The following PHF2 variants were observed in gnomAD, a reference collection of about 807,000 sequenced individuals.
The protein encoded by PHF2 is lysine-specific demethylase PHF2.
Under a neutral mutation model 120.5 loss-of-function variants are expected in PHF2, and 27 were observed. That is an observed-to-expected ratio of 0.22 (90% confidence interval 0.17 to 0.31). The LOEUF (loss-of-function observed/expected upper bound fraction) is 0.31, where lower values mean the gene tolerates loss of function less well. PHF2 is among the 10% of genes least tolerant of loss of function. The pLI is 1.00. For synonymous variants in PHF2, 568 were observed against 592.5 expected (o/e 0.96, Z 0.60); for missense variants, 1,024 against 1,434.8 (o/e 0.71, Z 4.63).
At chr9:93,653,702 G>T (rs1033952119) in intron 6 of PHF2, among the ~76,000 whole-genome samples, 1 of 149,536 alleles carries the variant, frequency 6.7e-6, no homozygotes, top group Non-Finnish European at 1.5e-5. Flanking sequence ...CCAGGGCCCC[G>T]CACAGGAGCC....
At chr9:93,594,648 G>A (rs1232216623) in intron 1 of PHF2, among the ~76,000 whole-genome samples, 1 of 152,184 alleles carries the variant, frequency 6.6e-6, no homozygotes, top group African/African-American at 2.4e-5. Flanking sequence ...CCCAGTCACT[G>A]CTCCCAGTGA....
At chr9:93,644,780 T>C (rs1420576031) in intron 3 of PHF2, among the ~76,000 whole-genome samples, 1 of 152,066 alleles carries the variant, frequency 6.6e-6, no homozygotes, top group Non-Finnish European at 1.5e-5. Flanking sequence ...TCCAGCTGTA[T>C]GGCCTTGGGC....
At chr9:93,581,975 GT>G (rs547377857) in intron 1 of PHF2, among the ~76,000 whole-genome samples, 9 of 152,152 alleles carry the variant, frequency 5.9e-5, no homozygotes, top group Non-Finnish European at 1.3e-4. Context: ...CCATCTCTTG[GT>G]TTTTTTAAAT....
chr9:93,582,042 A>G (rs749667423), intron 1 of PHF2, among the ~76,000 whole-genome samples: 7 of 152,198 alleles, frequency 4.6e-5, no homozygotes, highest in Non-Finnish European at 1.0e-4. Context: ...GTTTAATGCC[A>G]TAGGGGTTTT....
intron 3 of PHF2, 51 bp downstream of exon 3, chr9:93,636,576 C>G (rs917590210): frequency 8.1e-7 from 1 of 1,232,632 alleles, no homozygotes; most frequent in African/African-American, 1.5e-5. Flanking sequence ...GGGATGCACA[C>G]TCTCTCCGTC....
chr9:93,623,365 C>T (rs1274136854), intron 1 of PHF2, among the ~76,000 whole-genome samples: 1 of 152,174 alleles, frequency 6.6e-6, no homozygotes, highest in Non-Finnish European at 1.5e-5. Context: ...CTTGGTGTCA[C>T]TGATGAGAAC....
chr9:93,647,531 C>G (rs1242314854), intron 4 of PHF2, among the ~76,000 whole-genome samples: 1 of 152,126 alleles, frequency 6.6e-6, no homozygotes, highest in Non-Finnish European at 1.5e-5. Flanking sequence ...GCACCAGAAA[C>G]AAAAGCCACC....
chr9:93,650,696 C>T (rs1193903333), intron 5 of PHF2, among the ~76,000 whole-genome samples: 3 of 152,162 alleles, frequency 2.0e-5, no homozygotes, highest in African/African-American at 7.2e-5. Flanking sequence ...GCTGTCAGCT[C>T]GGGTGTGGTC....
chr9:93,614,032 C>T (rs1157562489), intron 1 of PHF2, among the ~76,000 whole-genome samples: 1 of 152,216 alleles, frequency 6.6e-6, no homozygotes, highest in African/African-American at 2.4e-5. Flanking sequence ...ATTGTCCCCT[C>T]TCTGGATGAA....
Position 93,676,833 on chromosome 9 carries a change from T to G in PHF2, c.3072T>G (p.His1024Gln), listed in dbSNP as rs1193341151. The G allele has an allele frequency of 6.4e-7, 1 of 1,559,238 alleles. No homozygotes were observed. ...CGCATAGCAGCAGCCTGGCGGACCA[T>G]GAGTACACAGCCGCTGGCACCTTCA... The part of the protein sequence containing the change: ...PESHSSSLAD[H>Q]EYTAAGTFTG... The change falls in exon 21 of 22, where the codon CAT becomes CAG. Residue 1024 changes from histidine to glutamine, a missense_variant. His to Gln is a conservative substitution (Grantham distance 24, BLOSUM62 0). Coordinates refer to ENST00000359246, the MANE Select transcript of PHF2 (RefSeq NM_005392.4).
chr9:93,658,415 CA>C (rs1396226139), intron 10 of PHF2, among the ~76,000 whole-genome samples, 179 bp downstream of exon 10: 1 of 152,158 alleles, frequency 6.6e-6, no homozygotes, highest in Non-Finnish European at 1.5e-5. Flanking sequence ...CCAGACACCC[CA>C]TGGGTCCGTC....
At chr9:93,649,816 C>A (rs1339380674) in intron 5 of PHF2, among the ~76,000 whole-genome samples, 1 of 152,128 alleles carries the variant, frequency 6.6e-6, no homozygotes, top group East Asian at 1.9e-4. Flanking sequence ...GCAGTCATGA[C>A]ACACTCATAC....
chr9:93,665,718 G>C lies in PHF2; in HGVS notation c.1970G>C (p.Gly657Ala). 1.2e-6 allele frequency: 2 copies of C among 1,613,828 alleles called. No homozygotes were observed. Among genetic ancestry groups the C allele is most frequent in the South Asian group, 1.1e-5 (1 of 91,060 alleles). ...SKALRPPTSP[G>A]VFGALQNFKE... is the part of the protein sequence containing the mutation. ...GCTCTCAGGCCCCCGACGAGCCCTG[G>C]TGTGTTCGGGGCCTTGCAGAACTTC... Residue 657 changes from glycine (G) to alanine (A), a missense_variant, in exon 15 of 22, where the codon GGT (glycine) becomes GCT (alanine). By Grantham distance (60) the Gly-to-Ala change is moderately conservative. This residue lies in a region of PHF2 where 677 missense variants were observed against 857.4 expected (regional missense o/e 0.79). Transcript: ENST00000359246.
intron 1 of PHF2, among the ~76,000 whole-genome samples, chr9:93,586,494 A>G (rs1473112813): frequency 6.6e-6 from 1 of 152,180 alleles, no homozygotes; most frequent in East Asian, 1.9e-4. Context: ...CAGCTGGGGG[A>G]GGGCCAGCAG....
chr9:93,621,720 C>T (rs1413944981), intron 1 of PHF2, among the ~76,000 whole-genome samples: 2 of 152,256 alleles, frequency 1.3e-5, no homozygotes, highest in South Asian at 2.1e-4. Context: ...GGCCTTCCCC[C>T]CTGTAAAGTA....
chr9:93,600,855 A>G (rs994723144), intron 1 of PHF2, among the ~76,000 whole-genome samples: 2 of 152,200 alleles, frequency 1.3e-5, no homozygotes, highest in Non-Finnish European at 2.9e-5. Context: ...CCAAGACTGG[A>G]CCAGATCTGG....
At position 93,627,492 on chromosome 9, in the gene PHF2, A is replaced by ATTTTTTTTTTTTTTTTTTTTTTTTTTT. The variant is rs55647503; in HGVS notation, c.99-2462_99-2461insTTTTTTTTTTTTTTTTTTTTTTTTTTT. ...CAATTCAGACTCCTTTTATTTCAGGATTTTTTTTTTTTTTTTGTCTAATTG... is the reference window on the plus strand; with the variant it reads ...CAATTCAGACTCCTTTTATTTCAGGATTTTTTTTTTTTTTTTTTTTTTTTTTTTTTTTTTTTTTTTTTTGTCTAATTG... On this transcript the variant is annotated intron_variant, in intron 1 of 21. Transcript: ENST00000359246. 2.7e-4 allele frequency among the ~76,000 whole-genome samples: 29 copies of ATTTTTTTTTTTTTTTTTTTTTTTTTTT among 108,128 alleles called. 2 individuals carry two copies. Among genetic ancestry groups the ATTTTTTTTTTTTTTTTTTTTTTTTTTT allele is most frequent in the East Asian group, 5.1e-4 (2 of 3,898 alleles). The allele number at this position is 108,128 out of a possible 152,430, so 70.9% of individuals were successfully genotyped here. A position where few individuals can be genotyped will look rare whatever the true frequency, so the allele number is the denominator to read the frequency against.
intron 5 of PHF2, 124 bp from the exon 6 acceptor site, chr9:93,653,055 G>A (rs978866400): frequency 1.3e-6 from 1 of 794,670 alleles, no homozygotes; most frequent in Non-Finnish European, 2.0e-6. Context: ...AATGGGAGCT[G>A]TGACCCGTGG....
At chr9:93,580,908 G>A (rs930988067) in intron 1 of PHF2, among the ~76,000 whole-genome samples, 1 of 152,152 alleles carries the variant, frequency 6.6e-6, no homozygotes, top group Admixed American at 6.5e-5. Context: ...ACTGTCCCCC[G>A]TGTTGCATGT....
Sources: allele counts gnomAD v4.1 joint callset (sites outside exome capture counted in the v4.1 genomes callset), GRCh38; gene constraint gnomAD v4.1.1; regional missense constraint gnomAD v4.1.1; transcripts MANE v1.5; gene names NCBI Gene and HGNC (gene_info 2026-07-23, HGNC 2026-07-21).